CCSER1: variants seen among roughly 807,000 people sequenced by gnomAD.
CCSER1 encodes serine-rich coiled-coil domain-containing protein 1.
In CCSER1, 41 loss-of-function variants were observed where a neutral mutation model predicts 82.0. The ratio of observed to expected loss-of-function variants is 0.50; its 90% confidence interval spans 0.39 to 0.65. CCSER1 has a LOEUF of 0.65. Among genes scored for constraint, CCSER1 ranks in the 30% least tolerant of loss-of-function variants. The probability of loss-of-function intolerance (pLI) is 0.00; values close to 1 mark genes in which losing one functional copy is unlikely to be tolerated. For missense variants in CCSER1, 1,119 were observed against 1,064.2 expected, an observed-to-expected ratio of 1.05 and a Z score of -0.72; for synonymous variants, 414 against 383.9, an observed-to-expected ratio of 1.08 and a Z score of -0.92.
intron 3 of CCSER1, among the ~76,000 whole-genome samples, chr4:90,340,683 A>G (rs1260155657): frequency 2.0e-5 from 3 of 152,134 alleles, no homozygotes; most frequent in Non-Finnish European, 4.4e-5. Flanking sequence ...ACAATTTGGC[A>G]ATTTCTAGCA....
At chr4:90,724,606 G>T in intron 7 of CCSER1, 1 of 326,926 alleles carries the variant, frequency 3.1e-6, no homozygotes. Flanking sequence ...AAAGCTTGTA[G>T]ATCAACTATT....
intron 1 of CCSER1, among the ~76,000 whole-genome samples, chr4:90,177,576 AT>A (rs2153382993): frequency 6.6e-6 from 1 of 151,914 alleles, no homozygotes; most frequent in South Asian, 2.1e-4. Context: ...CCATTTTATA[AT>A]TTTTCTTATG....
intron 8 of CCSER1, chr4:90,918,409 A>C: frequency 2.7e-6 from 1 of 372,282 alleles, no homozygotes; most frequent in South Asian, 2.1e-5. Flanking sequence ...GTTTTACAGC[A>C]CTGAAAGCTG....
chr4:91,125,718 AG>A, intron 10 of CCSER1, among the ~76,000 whole-genome samples: 1 of 151,824 alleles, frequency 6.6e-6, no homozygotes, highest in Non-Finnish European at 1.5e-5. Context: ...GATATGAAGT[AG>A]AAAAAGGGTA....
At chr4:91,529,063 T>C (rs1024512743) in intron 10 of CCSER1, among the ~76,000 whole-genome samples, 1 of 152,174 alleles carries the variant, frequency 6.6e-6, no homozygotes, top group African/African-American at 2.4e-5. Context: ...CTCAGTGCTT[T>C]GCTAATATCA....
chr4:90,463,474 C>T (rs932356121), intron 4 of CCSER1, among the ~76,000 whole-genome samples: 1 of 152,140 alleles, frequency 6.6e-6, no homozygotes, highest in Non-Finnish European at 1.5e-5. Context: ...AAAAACAATA[C>T]AGTAAGAGTA....
At chr4:90,707,725 C>T (rs968778589) in intron 6 of CCSER1, among the ~76,000 whole-genome samples, 26 of 151,968 alleles carry the variant, frequency 1.7e-4, no homozygotes, top group Admixed American at 9.2e-4. Flanking sequence ...CACAAGTGCA[C>T]TGTGAAATCC....
chr4:90,781,319 G>C, intron 7 of CCSER1: 5 of 984,510 alleles, frequency 5.1e-6, no homozygotes, highest in Non-Finnish European at 6.0e-6. Context: ...AAAAAATAGT[G>C]ATTCATCAAA....
intron 6 of CCSER1, among the ~76,000 whole-genome samples, chr4:90,712,712 A>G (rs575018933): frequency 1.9e-4 from 29 of 151,756 alleles, no homozygotes; most frequent in African/African-American, 7.0e-4. Flanking sequence ...TATCTCGGTG[A>G]TCTGCCTAAT....
chr4:90,187,486 A>G (rs1045397817), intron 1 of CCSER1, among the ~76,000 whole-genome samples: 2 of 151,558 alleles, frequency 1.3e-5, no homozygotes, highest in African/African-American at 4.8e-5. Flanking sequence ...ACTCATAAAC[A>G]TATCCTGGCA....
intron 10 of CCSER1, among the ~76,000 whole-genome samples, chr4:91,500,418 T>G (rs1036399465): frequency 2.0e-5 from 3 of 152,096 alleles, no homozygotes; most frequent in Non-Finnish European, 4.4e-5. Context: ...GTATATGACT[T>G]GGCTTCTCAT....
chr4:90,304,527 T>C (rs1439066872), intron 1 of CCSER1, among the ~76,000 whole-genome samples: 3 of 152,144 alleles, frequency 2.0e-5, no homozygotes, highest in Non-Finnish European at 2.9e-5. Context: ...AAATCATCAT[T>C]CTCAGTAAAC....
chr4:90,915,530 T>A (rs1006314989), intron 8 of CCSER1, among the ~76,000 whole-genome samples: 8 of 152,286 alleles, frequency 5.3e-5, no homozygotes, highest in African/African-American at 1.9e-4. Flanking sequence ...TAATAAGAGC[T>A]ATCTATGACA....
intron 4 of CCSER1, among the ~76,000 whole-genome samples, chr4:90,442,537 G>A (rs1760043671): frequency 6.6e-6 from 1 of 152,174 alleles, no homozygotes; most frequent in Non-Finnish European, 1.5e-5. Context: ...GGATCAAATG[G>A]TATTAAGTGT....
chr4:90,772,983 G>A (rs1018599469), intron 7 of CCSER1, among the ~76,000 whole-genome samples: 2 of 152,088 alleles, frequency 1.3e-5, no homozygotes, highest in South Asian at 4.1e-4. Context: ...GCTTATGCCT[G>A]TAATCCTAGC....
At chr4:90,818,846 A>T (rs778924459) in intron 8 of CCSER1, among the ~76,000 whole-genome samples, 1 of 152,204 alleles carries the variant, frequency 6.6e-6, no homozygotes, top group African/African-American at 2.4e-5. Flanking sequence ...ATGGTATGTT[A>T]TAGAAAAAAC....
intron 10 of CCSER1, among the ~76,000 whole-genome samples, chr4:91,142,980 C>A (rs938280549): frequency 4.6e-5 from 7 of 151,658 alleles, no homozygotes; most frequent in Non-Finnish European, 1.0e-4. Context: ...TTGGTTCTAT[C>A]TGAATTTTAG....
At chr4:91,222,690 A>G (rs891638817) in intron 10 of CCSER1, among the ~76,000 whole-genome samples, 1 of 152,256 alleles carries the variant, frequency 6.6e-6, no homozygotes, top group Non-Finnish European at 1.5e-5. Flanking sequence ...AGAACCATTC[A>G]TTGAGCACTG....
intron 9 of CCSER1, among the ~76,000 whole-genome samples, chr4:91,037,001 C>T (rs888761420): frequency 2.6e-5 from 4 of 151,974 alleles, no homozygotes; most frequent in African/African-American, 7.2e-5. Flanking sequence ...CACTTGAACC[C>T]GGGAAGGGGA....
Sources: gnomAD v4.1 joint callset for allele counts (sites outside exome capture counted in the v4.1 genomes callset) on GRCh38, gnomAD v4.1.1 for gene constraint, MANE v1.5 for transcripts, NCBI Gene and HGNC (gene_info 2026-07-23, HGNC 2026-07-21) for gene names.